SORBS2: variants seen among roughly 807,000 people sequenced by gnomAD.
SORBS2 encodes sorbin and SH3 domain-containing protein 2.
Under a neutral mutation model 97.7 loss-of-function variants are expected in SORBS2, and 46 were observed. The observed-to-expected ratio is 0.47, with a 90% confidence interval of 0.37 to 0.60. The LOEUF (loss-of-function observed/expected upper bound fraction) is 0.60, where lower values mean the gene tolerates loss of function less well. Among genes scored for constraint, SORBS2 ranks in the 20% least tolerant of loss-of-function variants. The probability of loss-of-function intolerance (pLI) is 0.00; values close to 1 mark genes in which losing one functional copy is unlikely to be tolerated. For synonymous variants in SORBS2, 476 were observed against 473.4 expected (o/e 1.01, Z -0.07); for missense variants, 1,316 against 1,282.3 (o/e 1.03, Z -0.40).
chr4:185,598,984 T>C (rs995640390), intron 12 of SORBS2, among the ~76,000 whole-genome samples: 9 of 152,232 alleles, frequency 5.9e-5, no homozygotes, highest in African/African-American at 2.2e-4. Context: ...TATGTTTTGC[T>C]TTGGCTCTGG....
Position 185,820,032 on chromosome 4 carries a change from G to A in SORBS2, c.-337-44666C>T, listed in dbSNP as rs77844695. ...ATTAAATCCATTAATTAGCATAAAAGGGTATTAGGTATTATCTTGAATTTT... is the reference window on the plus strand; with the variant it reads ...ATTAAATCCATTAATTAGCATAAAAAGGTATTAGGTATTATCTTGAATTTT... On this transcript the variant is annotated intron_variant, in intron 1 of 20. Coordinates refer to the SORBS2 transcript ENST00000284776. 6.2e-3 allele frequency among the ~76,000 whole-genome samples: 946 copies of A among 152,256 alleles called. 4 individuals are homozygous for A. The highest frequency in any genetic ancestry group is 0.021 in the African/African-American group (890 of 41,536).
At chr4:185,782,551 T>C (rs762120809) in intron 1 of SORBS2, among the ~76,000 whole-genome samples, 1 of 152,202 alleles carries the variant, frequency 6.6e-6, no homozygotes, top group Non-Finnish European at 1.5e-5. Context: ...CCTGAAACCA[T>C]ATGTGATTAT....
chr4:185,915,409 A>G (rs1035487469), intron 1 of SORBS2, among the ~76,000 whole-genome samples: 25 of 152,188 alleles, frequency 1.6e-4, no homozygotes, highest in African/African-American at 5.8e-4. Flanking sequence ...CTAAATAGTA[A>G]TCAGCTCTGA....
At chr4:185,765,629 C>CA (rs1375632317) in intron 2 of SORBS2, among the ~76,000 whole-genome samples, 2 of 151,974 alleles carry the variant, frequency 1.3e-5, no homozygotes, top group African/African-American at 2.4e-5. Flanking sequence ...CCATGTGAGA[C>CA]AAAAAAACAC....
chr4:185,720,087 C>T (rs2098500249), intron 2 of SORBS2, among the ~76,000 whole-genome samples: 1 of 152,180 alleles, frequency 6.6e-6, no homozygotes, highest in Non-Finnish European at 1.5e-5. Context: ...GCTGGGGCAG[C>T]CCTCTTGACC....
intron 1 of SORBS2, among the ~76,000 whole-genome samples, chr4:185,805,780 A>G (rs1585123347): frequency 6.6e-6 from 1 of 152,250 alleles, no homozygotes; most frequent in African/African-American, 2.4e-5. Flanking sequence ...AGTATTTACT[A>G]TAGTGCAAGA....
chr4:185,935,359 TCAAAACTA>T (rs1230939825), intron 1 of SORBS2, among the ~76,000 whole-genome samples: 1 of 152,224 alleles, frequency 6.6e-6, no homozygotes, highest in Non-Finnish European at 1.5e-5. Flanking sequence ...AACAAGAAAC[TCAAAACTA>T]AGCCATGGGA....
chr4:185,701,616 C>T (rs139561869), intron 2 of SORBS2, among the ~76,000 whole-genome samples: 3 of 152,260 alleles, frequency 2.0e-5, no homozygotes, highest in East Asian at 3.9e-4. Context: ...GTGGAGTGAT[C>T]GCTTTTCTAT....
At chr4:185,907,803 A>T (rs1376808595) in intron 1 of SORBS2, among the ~76,000 whole-genome samples, 2 of 152,096 alleles carry the variant, frequency 1.3e-5, no homozygotes, top group Non-Finnish European at 2.9e-5. Context: ...TGCACAATTC[A>T]GTTTAAGTCA....
intron 1 of SORBS2, among the ~76,000 whole-genome samples, chr4:185,868,323 A>AT (rs1341775048): frequency 6.6e-6 from 1 of 150,874 alleles, no homozygotes; most frequent in Non-Finnish European, 1.5e-5. Flanking sequence ...TGCCCAGCTA[A>AT]TTTTTTGTAT....
chr4:185,849,302 G>A (rs575533059), intron 1 of SORBS2, among the ~76,000 whole-genome samples: 15 of 152,246 alleles, frequency 9.9e-5, no homozygotes, highest in South Asian at 2.1e-4. Flanking sequence ...AACCCACTGC[G>A]AATTCCGACT....
At position 185,606,768 on chromosome 4, in the gene SORBS2, C is replaced by T. The variant is rs1031436469; in HGVS notation, c.2796+5012G>A. On this transcript the variant is annotated intron_variant, in intron 12 of 14. Transcript: ENST00000418609. This position sits in a 1 kb window ranked among gnomAD's most constrained non-coding sequence, Gnocchi z 4.3. ...AGGCGTCTCCTTCCTGAGGTTCTGG[C>T]GGCCCTCTCTGGATGCCTGACACAA... The T allele has an allele frequency of 2.9e-5, 29 of 985,176 alleles. No individual in the cohort carries two copies. The highest frequency in any genetic ancestry group is 1.1e-4 in the East Asian group (1 of 8,816). 61.0% of individuals were successfully genotyped at this position (985,176 alleles called of 1,614,324 possible). A position where few individuals can be genotyped will look rare whatever the true frequency, so the allele number is the denominator to read the frequency against.
At chr4:185,619,498 TGGCTCCAAG>T (rs1308684958) in intron 8 of SORBS2, among the ~76,000 whole-genome samples, 1 of 152,222 alleles carries the variant, frequency 6.6e-6, no homozygotes, top group Non-Finnish European at 1.5e-5. Context: ...CCAGCCGTCA[TGGCTCCAAG>T]GCAGTTTGAG....
intron 1 of SORBS2, among the ~76,000 whole-genome samples, chr4:185,840,159 G>A (rs1169141625): frequency 2.6e-5 from 4 of 152,074 alleles, no homozygotes; most frequent in South Asian, 2.1e-4. Flanking sequence ...GAGATTCCAC[G>A]GTCATTTGTG....
intron 1 of SORBS2, among the ~76,000 whole-genome samples, chr4:185,952,093 C>T (rs367610705): frequency 6.6e-5 from 10 of 151,406 alleles, no homozygotes; most frequent in East Asian, 1.9e-4. Flanking sequence ...GGCAAGATCT[C>T]GGCTCACTGC....
Position 185,725,050 on chromosome 4 carries a change from G to C in SORBS2, c.-197-46228C>G, listed in dbSNP as rs75234902. Reference sequence around the variant, plus strand: ...AAACAAAAGAATCATACATAAGACGGTGTTGCCAGTTTATCATTTAATGAA... The same window carrying C: ...AAACAAAAGAATCATACATAAGACGCTGTTGCCAGTTTATCATTTAATGAA... On this transcript the variant is annotated intron_variant, in intron 2 of 20. Transcript: ENST00000284776. Among the ~76,000 whole-genome samples, 200 of 152,276 alleles carry C rather than the reference G, an allele frequency of 1.3e-3. 5 individuals are homozygous for C. The East Asian group carries it at 0.022, about 17-fold the overall frequency.
intron 1 of SORBS2, among the ~76,000 whole-genome samples, chr4:185,897,394 G>A (rs76118660): frequency 1.3e-5 from 2 of 152,102 alleles, no homozygotes; most frequent in African/African-American, 4.8e-5. Flanking sequence ...CAGTCTATTC[G>A]CATTAGACCA....
In SORBS2 at chr4:185,607,358, T is replaced by C; in HGVS notation, c.2796+4422A>G. 2 of 1,270,988 alleles carry C rather than the reference T, an allele frequency of 1.6e-6. No individual in the cohort carries two copies. The highest frequency in any genetic ancestry group is 2.1e-6 in the Non-Finnish European group (2 of 972,444). 78.7% of individuals were successfully genotyped at this position (1,270,988 alleles called of 1,614,324 possible). A position where few individuals can be genotyped will look rare whatever the true frequency, so the allele number is the denominator to read the frequency against. ...GGTTCACTGGAAGCCAACTTGGAAA[T>C]GAGCACGGATTATGAAGTTAAGAAA... On this transcript the variant is annotated intron_variant, in intron 12 of 14. Coordinates refer to ENST00000418609, the Ensembl canonical transcript of SORBS2. This position sits in a 1 kb window ranked among gnomAD's most constrained non-coding sequence, Gnocchi z 5.2.
At chr4:185,853,819 G>A (rs1194311907) in intron 1 of SORBS2, among the ~76,000 whole-genome samples, 1 of 152,154 alleles carries the variant, frequency 6.6e-6, no homozygotes, top group Non-Finnish European at 1.5e-5. Context: ...GAAACAGAGG[G>A]AAAATCATTT....
Sources: gnomAD v4.1 joint callset for allele counts (sites outside exome capture counted in the v4.1 genomes callset) on GRCh38, gnomAD v4.1.1 for gene constraint, Gnocchi (gnomAD v3.1) non-coding constraint, MANE v1.5 for transcripts, NCBI Gene and HGNC (gene_info 2026-07-23, HGNC 2026-07-21) for gene names.